Variants in CENPP observed in about 807,000 individuals in gnomAD.
The protein encoded by CENPP is centromere protein P.
CENPP carries 24 observed loss-of-function variants against 35.6 expected under a neutral mutation model. The observed-to-expected ratio is 0.67, with a 90% confidence interval of 0.49 to 0.95. The LOEUF is 0.95. CENPP is among the 40% of genes least tolerant of loss of function. The pLI is 0.00. For missense variants in CENPP, 332 were observed against 345.3 expected (o/e 0.96, Z 0.31); for synonymous variants, 120 against 125.5 (o/e 0.96, Z 0.29).
At chr9:92,504,538 TG>T (rs1478774514) in intron 5 of CENPP, among the ~76,000 whole-genome samples, 23 of 151,926 alleles carry the variant, frequency 1.5e-4, no homozygotes, top group African/African-American at 5.6e-4. Context: ...GCAGGCAGGG[TG>T]GGGTGTGGTT....
Position 92,387,429 on chromosome 9 carries a change from GCAAA to G in CENPP, c.564+7573_564+7576del, listed in dbSNP as rs1355026914. The stretch of plus-strand genomic sequence containing the variant: ...GCAAGATGTTTCCCAAAGCAGTTTA[GCAAA>G]CAGTTAGCTTGATGCAGGTTTTTTC... On this transcript the variant is annotated intron_variant, in intron 5 of 7. Coordinates refer to ENST00000375587, the MANE Select transcript of CENPP (RefSeq NM_001012267.3). Among the ~76,000 whole-genome samples the G allele has an allele frequency of 2.0e-5, 3 of 151,972 alleles. No homozygotes were observed. In the South Asian group the frequency reaches 6.3e-4, roughly 32 times the overall value.
At position 92,517,793 on chromosome 9, in the gene CENPP, G is replaced by A; in HGVS notation, c.565-93521G>A. 1.9e-6 allele frequency: 3 copies of A among 1,614,242 alleles called. No homozygotes were observed. The South Asian group carries it at 3.3e-5, about 18-fold the overall frequency. On this transcript the variant is annotated intron_variant, in intron 5 of 7. Transcript: ENST00000375587. ...CACAAAGAACTCTTCCATCTGAGCA[G>A]AGGCAGGTAGTGCAGGGCTCAGGCG... is the stretch of plus-strand genomic sequence containing the variant.
chr9:92,388,568 C>T (rs1454577862), intron 5 of CENPP, among the ~76,000 whole-genome samples: 1 of 151,224 alleles, frequency 6.6e-6, no homozygotes, highest in Non-Finnish European at 1.5e-5. Flanking sequence ...AGGCCAGGCA[C>T]GGTGGCTTAC....
chr9:92,446,856 G>C (rs1183606151), intron 5 of CENPP, among the ~76,000 whole-genome samples: 1 of 151,134 alleles, frequency 6.6e-6, no homozygotes, highest in East Asian at 1.9e-4. Context: ...CAGAAAGAGA[G>C]TGAGGGAGGG....
At chr9:92,361,546 C>G (rs1476085036) in intron 4 of CENPP, among the ~76,000 whole-genome samples, 1 of 151,448 alleles carries the variant, frequency 6.6e-6, no homozygotes, top group African/African-American at 2.4e-5. Context: ...GTGGCACAAT[C>G]TTGGCTCACT....
At chr9:92,491,543 C>T (rs781641126) in intron 5 of CENPP, among the ~76,000 whole-genome samples, 1 of 152,096 alleles carries the variant, frequency 6.6e-6, no homozygotes, top group South Asian at 2.1e-4. Flanking sequence ...CAGCTTTGAC[C>T]TCATACCTTC....
At chr9:92,354,840 C>T (rs1422327671) in intron 4 of CENPP, among the ~76,000 whole-genome samples, 1 of 152,136 alleles carries the variant, frequency 6.6e-6, no homozygotes, top group Non-Finnish European at 1.5e-5. Context: ...AGGAATTTTA[C>T]AGCTGGGCCG....
At chr9:92,408,447 G>C (rs1843364438) in intron 5 of CENPP, among the ~76,000 whole-genome samples, 1 of 152,146 alleles carries the variant, frequency 6.6e-6, no homozygotes, top group South Asian at 2.1e-4. Flanking sequence ...GCCTCCCAAA[G>C]TACTGGGATT....
intron 5 of CENPP, chr9:92,517,679 C>G (rs1563981589): frequency 6.2e-7 from 1 of 1,614,094 alleles, no homozygotes; most frequent in Admixed American, 1.7e-5. Context: ...TTAGCTAAAT[C>G]TCTGTACCAG....
intron 5 of CENPP, among the ~76,000 whole-genome samples, chr9:92,416,200 A>G (rs1049153635): frequency 6.6e-6 from 1 of 151,284 alleles, no homozygotes; most frequent in Admixed American, 6.6e-5. Context: ...CCTGGGTTCA[A>G]GCAACTCTCA....
intron 5 of CENPP, among the ~76,000 whole-genome samples, chr9:92,497,610 G>A (rs1489898723): frequency 6.9e-6 from 1 of 144,684 alleles, no homozygotes; most frequent in Non-Finnish European, 1.5e-5. Context: ...GGCAACAAGA[G>A]CAAAACTCTG....
rs1851166645 is a variant in CENPP, at chr9:92,609,213, T to TGCGATGCACCC, written c.565-2100_565-2099insCGATGCACCCG. On this transcript the variant is annotated intron_variant, in intron 5 of 7. Transcript: ENST00000375587. ...CCTCTCAGCCTCTGGCAGGTGCAGC[T>TGCGATGCACCC]GGTGCTGCGATGCACCCTTGCCATG... 2.0e-5 allele frequency among the ~76,000 whole-genome samples: 3 copies of TGCGATGCACCC among 152,258 alleles called. No homozygotes were observed. The South Asian group carries it at 6.2e-4, about 31-fold the overall frequency.
intron 5 of CENPP, among the ~76,000 whole-genome samples, chr9:92,448,413 G>T (rs1588136020): frequency 6.6e-6 from 1 of 151,940 alleles, no homozygotes; most frequent in African/African-American, 2.4e-5. Flanking sequence ...GGGATTACAG[G>T]TGCCCACCAC....
chr9:92,434,387 T>TAAAA (rs1844196399), intron 5 of CENPP, among the ~76,000 whole-genome samples: 1 of 100,454 alleles, frequency 1.0e-5, no homozygotes, highest in Non-Finnish European at 2.0e-5. Flanking sequence ...AGACTCTGTC[T>TAAAA]CAAAAAAAAA....
intron 5 of CENPP, among the ~76,000 whole-genome samples, chr9:92,383,187 T>G (rs533217125): frequency 1.4e-4 from 21 of 152,278 alleles, no homozygotes; most frequent in Middle Eastern, 3.4e-3. Flanking sequence ...TGTGAGCCAT[T>G]GCGCCCAGCC....
At chr9:92,344,797 C>T (rs1337998314) in intron 3 of CENPP, among the ~76,000 whole-genome samples, 1 of 151,618 alleles carries the variant, frequency 6.6e-6, no homozygotes, top group Non-Finnish European at 1.5e-5. Context: ...GATTCACCCG[C>T]CTCTGCCTCC....
At chr9:92,523,039 C>A in intron 5 of CENPP, 1 of 811,790 alleles carries the variant, frequency 1.2e-6, no homozygotes, top group Non-Finnish European at 1.8e-6. Flanking sequence ...AGTATTATTG[C>A]CAAATCATAA....
chr9:92,433,740 T>C (rs1200658907), intron 5 of CENPP, among the ~76,000 whole-genome samples: 1 of 151,930 alleles, frequency 6.6e-6, no homozygotes, highest in Non-Finnish European at 1.5e-5. Context: ...GAGACCAGCG[T>C]GACCAACATG....
chr9:92,464,983 T>C (rs1845251198), intron 5 of CENPP: 1 of 1,614,072 alleles, frequency 6.2e-7, no homozygotes, highest in Non-Finnish European at 8.5e-7. Flanking sequence ...CCCCTTCAAA[T>C]GCCCCTGGCT....
Sources: allele counts gnomAD v4.1 joint callset (sites outside exome capture counted in the v4.1 genomes callset), GRCh38; gene constraint gnomAD v4.1.1; transcripts MANE v1.5; gene names NCBI Gene and HGNC (gene_info 2026-07-23, HGNC 2026-07-21).